The following ENTHD1 variants were observed in gnomAD, a reference collection of about 807,000 sequenced individuals.
ENTHD1 encodes the protein ENTH domain-containing protein 1.
A neutral mutation model predicts 39.1 loss-of-function variants in ENTHD1; 23 were observed. The ratio of observed to expected loss-of-function variants is 0.59; its 90% CI spans 0.42 to 0.83. ENTHD1 has a LOEUF of 0.83. Among genes scored for constraint, ENTHD1 ranks in the 40% least tolerant of loss-of-function variants. The pLI is 0.00. For missense variants in ENTHD1, 624 were observed against 705.4 expected, an observed-to-expected ratio of 0.88 and a Z score of 1.31; for synonymous variants, 230 against 258.2, an observed-to-expected ratio of 0.89 and a Z score of 1.05.
chr22:39,890,277 ACAGT>A (rs1433463045), intron 1 of ENTHD1, among the ~76,000 whole-genome samples: 2 of 152,054 alleles, frequency 1.3e-5, no homozygotes, highest in Non-Finnish European at 2.9e-5. Context: ...TACTTCAAAC[ACAGT>A]CATTTTTATT....
rs142645187 is a variant in ENTHD1, at chr22:39,854,853, T to C, written c.592+6912A>G. On this transcript the variant is annotated intron_variant, in intron 3 of 6. Coordinates refer to ENST00000325157, the MANE Select transcript of ENTHD1 (RefSeq NM_152512.4). ...TGGAAATCACATTTCCTGCATTCAA[T>C]TTTACATTTCACTGTAACTAAATAA... is the stretch of plus-strand genomic sequence containing the variant. Among the ~76,000 whole-genome samples the C allele has an allele frequency of 1.6e-4, 24 of 152,346 alleles. No homozygotes were observed. In the East Asian group the frequency reaches 4.4e-3, roughly 28 times the overall value.
chr22:39,823,405 C>T (rs7286916), intron 4 of ENTHD1, among the ~76,000 whole-genome samples: 9,156 of 152,126 alleles, frequency 0.06, 387 homozygotes, highest in South Asian at 0.13. Context: ...AGTGCAGTGG[C>T]GCCATCTTGG....
chr22:39,863,040 C>G (rs1179796388), intron 2 of ENTHD1, among the ~76,000 whole-genome samples: 2 of 152,200 alleles, frequency 1.3e-5, no homozygotes, highest in African/African-American at 2.4e-5. Context: ...ATCTTGGAAG[C>G]AGACAGCAGC....
chr22:39,865,961 G>A (rs944762966), intron 2 of ENTHD1, among the ~76,000 whole-genome samples: 1 of 152,154 alleles, frequency 6.6e-6, no homozygotes, highest in Non-Finnish European at 1.5e-5. Context: ...TCTTTTATCT[G>A]GATGGTTATG....
intron 4 of ENTHD1, among the ~76,000 whole-genome samples, chr22:39,823,223 GTACCCTTGA>G: frequency 6.6e-6 from 1 of 152,220 alleles, no homozygotes; most frequent in East Asian, 1.9e-4. Flanking sequence ...ATTGCGAGTA[GTACCCTTGA>G]TATAGATGTA....
rs962130825 is a variant in ENTHD1, at chr22:39,851,490, C to T, written c.592+10275G>A. Among the ~76,000 whole-genome samples, 17 of 152,130 alleles carry T rather than the reference C, an allele frequency of 1.1e-4. 1 individual carries two copies. The highest frequency in any genetic ancestry group is 9.2e-4 in the Admixed American group (14 of 15,272). On this transcript the variant is annotated intron_variant, in intron 3 of 6. Transcript: ENST00000325157. ...CACTCTTTGGGGGATTAAGTATGTT[C>T]TTTGCTGCTTACCTCCTCCTGTTTT...
chr22:39,768,063 G>T (rs1344005985), intron 5 of ENTHD1, among the ~76,000 whole-genome samples: 1 of 152,116 alleles, frequency 6.6e-6, no homozygotes, highest in African/African-American at 2.4e-5. Flanking sequence ...ATTTCAAAGA[G>T]AAAAATGTTT....
intron 5 of ENTHD1, among the ~76,000 whole-genome samples, chr22:39,819,931 C>T (rs1020897921): frequency 2.0e-5 from 3 of 152,148 alleles, no homozygotes; most frequent in Non-Finnish European, 4.4e-5. Context: ...AAAACATTTT[C>T]CTTAATGCTC....
chr22:39,876,068 G>C (rs1258820956), intron 2 of ENTHD1: 9 of 1,613,764 alleles, frequency 5.6e-6, no homozygotes, highest in Non-Finnish European at 7.6e-6. Flanking sequence ...CAACCTTGAA[G>C]TCCCCACGTA....
chr22:39,827,076 C>T (rs972842434), intron 4 of ENTHD1, among the ~76,000 whole-genome samples: 2 of 148,686 alleles, frequency 1.3e-5, no homozygotes, highest in East Asian at 2.0e-4. Flanking sequence ...AGTGCAGTGG[C>T]GCGATCTCGG....
At chr22:39,783,843 G>A (rs1011452516) in intron 5 of ENTHD1, among the ~76,000 whole-genome samples, 2 of 152,124 alleles carry the variant, frequency 1.3e-5, no homozygotes, top group Admixed American at 6.6e-5. Flanking sequence ...CCTGGGCAAA[G>A]ATTTTTTGTG....
chr22:39,795,232 G>T (rs972061842), intron 5 of ENTHD1, among the ~76,000 whole-genome samples: 1 of 151,966 alleles, frequency 6.6e-6, no homozygotes, highest in African/African-American at 2.4e-5. Flanking sequence ...TCTTTTTGTC[G>T]TGTCATTCTC....
chr22:39,824,451 C>T (rs1206465020), intron 4 of ENTHD1, among the ~76,000 whole-genome samples: 2 of 151,876 alleles, frequency 1.3e-5, no homozygotes, highest in Admixed American at 6.6e-5. Context: ...CCTAGTGATC[C>T]GCCCGTCTCA....
At chr22:39,857,878 C>T (rs1023648951) in intron 3 of ENTHD1, among the ~76,000 whole-genome samples, 3 of 152,178 alleles carry the variant, frequency 2.0e-5, no homozygotes, top group Non-Finnish European at 2.9e-5. Context: ...TAACAATCAT[C>T]TGAGCCTTCA....
At chr22:39,765,092 A>G (rs2065263903) in intron 6 of ENTHD1, 131 bp downstream of exon 6, 1 of 1,379,784 alleles carries the variant, frequency 7.2e-7, no homozygotes, top group Non-Finnish European at 9.5e-7. Context: ...TTTTAATATC[A>G]ATGATGAAGA....
chr22:39,851,041 T>C (rs1475742563), intron 3 of ENTHD1, among the ~76,000 whole-genome samples: 2 of 152,148 alleles, frequency 1.3e-5, no homozygotes, highest in Non-Finnish European at 2.9e-5. Context: ...ACTCTCTTCG[T>C]TTTTTTATTC....
intron 5 of ENTHD1, among the ~76,000 whole-genome samples, chr22:39,789,947 A>G (rs1193993707): frequency 6.6e-6 from 1 of 152,008 alleles, no homozygotes; most frequent in Non-Finnish European, 1.5e-5. Flanking sequence ...GAGGTGAGAG[A>G]GAAAATCATG....
intron 3 of ENTHD1, among the ~76,000 whole-genome samples, chr22:39,846,937 C>T (rs1055923167): frequency 3.0e-4 from 45 of 152,274 alleles, no homozygotes; most frequent in African/African-American, 9.9e-4. Context: ...CACTTTTACA[C>T]TGTTGGTGGG....
chr22:39,765,451 T>C lies in ENTHD1; in HGVS notation c.991A>G (p.Ile331Val), dbSNP rs752556653. 3.1e-6 allele frequency: 5 copies of C among 1,613,890 alleles called. No homozygotes were observed. The highest frequency in any genetic ancestry group is 1.1e-5 in the South Asian group (1 of 91,070). ...SAAEGLKTLT[I>V]LPACWSSKEE... ...TTACTTGACCAACATGCTGGTAAAA[T>C]TGTCAATGTTTTAAGACCTTCTGCA... is the stretch of plus-strand genomic sequence containing the variant. The change falls in exon 6 of 7, where the codon ATT becomes GTT. Residue 331 changes from isoleucine to valine, a missense_variant. By Grantham distance (29) the Ile-to-Val change is conservative (BLOSUM62 3). Coordinates refer to ENST00000325157, the MANE Select transcript of ENTHD1 (RefSeq NM_152512.4).
Sources: gnomAD v4.1 joint callset for allele counts (sites outside exome capture counted in the v4.1 genomes callset) on GRCh38, gnomAD v4.1.1 for gene constraint, MANE v1.5 for transcripts, NCBI Gene and HGNC (gene_info 2026-07-23, HGNC 2026-07-21) for gene names.